The following LCLAT1 variants were observed in gnomAD, a reference collection of about 807,000 sequenced individuals.
The protein encoded by LCLAT1 is 1-AGP acyltransferase 8.
LCLAT1 carries 11 observed loss-of-function variants against 30.7 expected under a neutral mutation model. That is an observed-to-expected ratio of 0.36 (90% CI 0.23 to 0.59). The LOEUF (loss-of-function observed/expected upper bound fraction) is 0.59, where lower values mean the gene tolerates loss of function less well. Among genes scored for constraint, LCLAT1 ranks in the 20% least tolerant of loss-of-function variants. The pLI is 0.77. For missense variants in LCLAT1, 402 were observed against 458.6 expected (o/e 0.88, Z 1.13); for synonymous variants, 155 against 151.3 (o/e 1.02, Z -0.18).
chr2:30,522,052 G>A (rs1331622173), intron 1 of LCLAT1, among the ~76,000 whole-genome samples: 1 of 152,188 alleles, frequency 6.6e-6, no homozygotes, highest in East Asian at 1.9e-4. Flanking sequence ...ATTCTGAGTA[G>A]TATGCCATTG....
At chr2:30,466,433 C>A (rs1682436196) in intron 1 of LCLAT1, among the ~76,000 whole-genome samples, 1 of 151,974 alleles carries the variant, frequency 6.6e-6, no homozygotes, top group African/African-American at 2.4e-5. Flanking sequence ...TTTTTACTGT[C>A]ATCCATATTT....
At chr2:30,464,915 T>G (rs1242413246) in intron 1 of LCLAT1, among the ~76,000 whole-genome samples, 1 of 152,130 alleles carries the variant, frequency 6.6e-6, no homozygotes, top group East Asian at 1.9e-4. Context: ...GAGATGGAAT[T>G]TTGCCATGTT....
intron 1 of LCLAT1, among the ~76,000 whole-genome samples, chr2:30,518,200 A>G (rs1274341923): frequency 2.0e-5 from 3 of 152,230 alleles, no homozygotes; most frequent in Non-Finnish European, 1.5e-5. Context: ...AACATTAACC[A>G]CTGAAAATTC....
At chr2:30,463,743 A>AT (rs1463376096) in intron 1 of LCLAT1, among the ~76,000 whole-genome samples, 1 of 152,204 alleles carries the variant, frequency 6.6e-6, no homozygotes. Context: ...ACTTGTGCAT[A>AT]TGTTGATTTT....
At chr2:30,544,897 CAA>C (rs1308017640) in intron 3 of LCLAT1, among the ~76,000 whole-genome samples, 9 of 152,130 alleles carry the variant, frequency 5.9e-5, no homozygotes, top group Admixed American at 4.6e-4. Context: ...TTCTGCAAGA[CAA>C]GAGGAAAATT....
intron 5 of LCLAT1, among the ~76,000 whole-genome samples, chr2:30,582,463 G>A (rs1306262393): frequency 6.6e-6 from 1 of 152,154 alleles, no homozygotes; most frequent in Non-Finnish European, 1.5e-5. Flanking sequence ...TAACTTGGTG[G>A]CTCAGGATAT....
At chr2:30,448,807 A>G (rs774581810) in intron 1 of LCLAT1, among the ~76,000 whole-genome samples, 2 of 152,204 alleles carry the variant, frequency 1.3e-5, no homozygotes, top group African/African-American at 2.4e-5. Flanking sequence ...TCTGCCACTT[A>G]AAAATATCTT....
At position 30,521,789 on chromosome 2, in the gene LCLAT1, G is replaced by A. The variant is rs532937046; in HGVS notation, c.-4-3798G>A. 1.4e-4 allele frequency among the ~76,000 whole-genome samples: 21 copies of A among 152,034 alleles called. 1 individual carries two copies. In the South Asian group the frequency reaches 4.4e-3, roughly 32 times the overall value. On this transcript the variant is annotated intron_variant, in intron 1 of 5. Transcript: ENST00000379509. The stretch of plus-strand genomic sequence containing the variant: ...CAAAATGCTGGGATTACAGGCATGA[G>A]CCACCGCTGGACCAACCCCCTAAAC...
chr2:30,476,378 T>A (rs1683041359), intron 1 of LCLAT1: 1 of 456,514 alleles, frequency 2.2e-6, no homozygotes, highest in Admixed American at 2.4e-5. Flanking sequence ...AGGACAGCAA[T>A]CAAAGTTTCA....
At chr2:30,614,137 C>T (rs12999084) in intron 5 of LCLAT1, among the ~76,000 whole-genome samples, 3,573 of 33,976 alleles carry the variant, frequency 0.11, 259 homozygotes, top group South Asian at 0.18. Flanking sequence ...GAGGTCCCTG[C>T]GGCCTTCCGC....
intron 3 of LCLAT1, among the ~76,000 whole-genome samples, chr2:30,553,338 G>A (rs1252858760): frequency 6.6e-6 from 1 of 152,156 alleles, no homozygotes. Context: ...AGTATGCCGA[G>A]GGATTATTTA....
intron 3 of LCLAT1, among the ~76,000 whole-genome samples, chr2:30,546,507 T>G (rs1331498461): frequency 6.6e-6 from 1 of 152,212 alleles, no homozygotes; most frequent in African/African-American, 2.4e-5. Context: ...AATACAGTGA[T>G]ATGGGAATTG....
intron 2 of LCLAT1, among the ~76,000 whole-genome samples, chr2:30,527,855 T>C (rs945179589): frequency 1.3e-5 from 2 of 152,198 alleles, no homozygotes; most frequent in Non-Finnish European, 2.9e-5. Flanking sequence ...TTTATATTAA[T>C]TTTAGGCTAA....
intron 4 of LCLAT1, among the ~76,000 whole-genome samples, chr2:30,563,647 AT>A (rs1665342042): frequency 6.6e-6 from 1 of 152,220 alleles, no homozygotes; most frequent in South Asian, 2.1e-4. Flanking sequence ...TAACTTTCAA[AT>A]TTTTGGTAAT....
chr2:30,618,758 G>A (rs532027401), intron 5 of LCLAT1, among the ~76,000 whole-genome samples: 1 of 152,268 alleles, frequency 6.6e-6, no homozygotes, highest in East Asian at 1.9e-4. Flanking sequence ...CTAGTATCCA[G>A]AAATAGATTT....
chr2:30,516,973 C>A (rs183958127), intron 1 of LCLAT1, among the ~76,000 whole-genome samples: 1 of 152,190 alleles, frequency 6.6e-6, no homozygotes, highest in Non-Finnish European at 1.5e-5. Flanking sequence ...AGCTGAGGGC[C>A]GACTAGAAGC....
intron 1 of LCLAT1, among the ~76,000 whole-genome samples, chr2:30,449,491 T>C (rs556497360): frequency 6.6e-6 from 1 of 152,126 alleles, no homozygotes; most frequent in South Asian, 2.1e-4. Flanking sequence ...AACAGAGTTA[T>C]GACTAATTTC....
chr2:30,585,928 T>TA (rs1469768546), intron 5 of LCLAT1, among the ~76,000 whole-genome samples: 2 of 152,160 alleles, frequency 1.3e-5, no homozygotes, highest in Admixed American at 6.5e-5. Flanking sequence ...AGGGCTGCTG[T>TA]AACAAATTAT....
intron 1 of LCLAT1, among the ~76,000 whole-genome samples, chr2:30,493,530 G>A (rs781323760): frequency 1.3e-5 from 2 of 152,194 alleles, no homozygotes; most frequent in Non-Finnish European, 2.9e-5. Flanking sequence ...AAGAAGTGCA[G>A]TTAAATTTTT....
Sources: gnomAD v4.1 joint callset for allele counts (sites outside exome capture counted in the v4.1 genomes callset) on GRCh38, gnomAD v4.1.1 for gene constraint, MANE v1.5 for transcripts, NCBI Gene and HGNC (gene_info 2026-07-23, HGNC 2026-07-21) for gene names.